Variants in TBC1D9 observed in about 807,000 individuals in gnomAD.
TBC1D9 encodes the protein TBC1 domain family member 9A.
A neutral mutation model predicts 132.0 loss-of-function variants in TBC1D9; 63 were observed. The observed-to-expected ratio is 0.48, with a 90% CI of 0.39 to 0.59. The LOEUF (loss-of-function observed/expected upper bound fraction) is 0.59, where lower values mean the gene tolerates loss of function less well. Ranked by LOEUF, TBC1D9 falls within the 20% of genes least tolerant of loss-of-function variation. The pLI, the probability that TBC1D9 is intolerant of heterozygous loss-of-function variation, is 0.00. For synonymous variants in TBC1D9, 610 were observed against 609.9 expected (o/e 1.00, Z 0.00); for missense variants, 1,261 against 1,592.7 (o/e 0.79, Z 3.54).
At chr4:140,749,390 G>T (rs1738887660) in intron 1 of TBC1D9, among the ~76,000 whole-genome samples, 1 of 151,988 alleles carries the variant, frequency 6.6e-6, no homozygotes, top group South Asian at 2.1e-4. Context: ...CAAAAAGCAA[G>T]GAAGGCAAAA....
intron 9 of TBC1D9, among the ~76,000 whole-genome samples, chr4:140,662,771 A>C (rs1211386105): frequency 1.3e-5 from 2 of 152,224 alleles, no homozygotes; most frequent in African/African-American, 4.8e-5. Context: ...AGGATTCTTC[A>C]AGACAGAAAA....
At chr4:140,687,358 A>T (rs200293521) in intron 2 of TBC1D9, among the ~76,000 whole-genome samples, 23,089 of 77,644 alleles carry the variant, frequency 0.3, 4,384 homozygotes, top group African/African-American at 0.39. Context: ...ATATATATAT[A>T]TATATATATA....
intron 1 of TBC1D9, among the ~76,000 whole-genome samples, chr4:140,703,695 T>G (rs1436530834): frequency 6.6e-6 from 1 of 152,204 alleles, no homozygotes; most frequent in Non-Finnish European, 1.5e-5. Context: ...CAGTGACCAT[T>G]AGCTGACCTC....
At chr4:140,689,364 G>A (rs966530673) in intron 2 of TBC1D9, among the ~76,000 whole-genome samples, 3 of 151,770 alleles carry the variant, frequency 2.0e-5, no homozygotes, top group African/African-American at 7.3e-5. Flanking sequence ...CTTTGCACAA[G>A]CTGCTTTCAA....
chr4:140,643,529 G>A lies in TBC1D9; in HGVS notation c.2338-4101C>T, dbSNP rs552111601. ...CCAGTCTCGGGCACTCTCCCTCCCC[G>A]GCGGGCACGTCACAGTCTGACATTT... is the stretch of plus-strand genomic sequence containing the variant. On this transcript the variant is annotated intron_variant, in intron 13 of 20. Coordinates refer to ENST00000442267, the MANE Select transcript of TBC1D9 (RefSeq NM_015130.3). 29 of 871,752 alleles carry A rather than the reference G, an allele frequency of 3.3e-5. No individual in the cohort carries two copies. In the African/African-American group the frequency reaches 3.8e-4, roughly 11 times the overall value. 54.0% of individuals were successfully genotyped at this position (871,752 alleles called of 1,614,324 possible).
intron 15 of TBC1D9, among the ~76,000 whole-genome samples, chr4:140,635,543 T>G (rs1736866333): frequency 6.6e-6 from 1 of 152,158 alleles, no homozygotes; most frequent in African/African-American, 2.4e-5. Context: ...CTCTTTTCCC[T>G]AGGGTTTCTG....
Position 140,756,183 on chromosome 4 carries a change from G to A in TBC1D9, c.-138C>T. The stretch of plus-strand genomic sequence containing the variant: ...AGGTGCGGCGGCGGCGGCGGCAGGC[G>A]ACTTCAGGGGGTGGCCCGCGGCGTC... On this transcript the variant is annotated 5_prime_UTR_variant, in exon 1 of 21. Coordinates refer to ENST00000442267, the MANE Select transcript of TBC1D9 (RefSeq NM_015130.3). The surrounding 1 kb of genome is among the most constrained non-coding windows in gnomAD (Gnocchi z 5.6). 3.6e-6 allele frequency: 2 copies of A among 562,204 alleles called. No homozygotes were observed. Among genetic ancestry groups the A allele is most frequent in the Middle Eastern group, 5.4e-4 (1 of 1,850 alleles). 34.8% of individuals were successfully genotyped at this position (562,204 alleles called of 1,614,324 possible). A position where few individuals can be genotyped will look rare whatever the true frequency, so the allele number is the denominator to read the frequency against.
rs1737370619 is a variant in TBC1D9, at chr4:140,662,093, T to C, written c.1603A>G (p.Lys535Glu). The change falls in exon 10 of 21, where the codon AAG (lysine) becomes GAG (glutamate). Residue 535 changes from lysine (K) to glutamate (E), a missense_variant. Transcript: ENST00000442267. ...TCATAGTACCCAGGATGTGTGGCCT[T>C]CTCATTGATGGCACCTGAGATATAT... is the stretch of plus-strand genomic sequence containing the variant. ...WLLLSGAINE[K>E]ATHPGYYEDL... 1.2e-6 allele frequency: 2 copies of C among 1,613,798 alleles called. No homozygotes were observed. Among genetic ancestry groups the C allele is most frequent in the East Asian group, 2.2e-5 (1 of 44,866 alleles).
chr4:140,646,182 T>C (rs1425136621), intron 13 of TBC1D9, among the ~76,000 whole-genome samples: 2 of 152,172 alleles, frequency 1.3e-5, no homozygotes, highest in Non-Finnish European at 2.9e-5. Flanking sequence ...GCTCTTCCTA[T>C]CCCCATTTCA....
intron 1 of TBC1D9, among the ~76,000 whole-genome samples, chr4:140,739,618 T>C (rs1738728593): frequency 6.6e-6 from 1 of 152,222 alleles, no homozygotes; most frequent in Non-Finnish European, 1.5e-5. Flanking sequence ...AAATTTTAGC[T>C]CTTCTGTCTA....
At chr4:140,753,368 A>G (rs896948457) in intron 1 of TBC1D9, among the ~76,000 whole-genome samples, 2 of 152,072 alleles carry the variant, frequency 1.3e-5, no homozygotes, top group Non-Finnish European at 2.9e-5. Context: ...AGCTGGGACT[A>G]CAGGCATACA....
At chr4:140,745,187 T>C (rs1485679880) in intron 1 of TBC1D9, among the ~76,000 whole-genome samples, 2 of 152,220 alleles carry the variant, frequency 1.3e-5, no homozygotes, top group Non-Finnish European at 2.9e-5. Context: ...CCCAGCCACC[T>C]TGGACACCTT....
intron 13 of TBC1D9, among the ~76,000 whole-genome samples, chr4:140,647,930 T>A (rs1476755392): frequency 1.3e-5 from 2 of 151,976 alleles, no homozygotes; most frequent in East Asian, 3.9e-4. Flanking sequence ...GGGGGGGGTC[T>A]CTCCCTCCCC....
chr4:140,690,274 T>C (rs1360389431), intron 2 of TBC1D9, among the ~76,000 whole-genome samples: 4 of 152,106 alleles, frequency 2.6e-5, no homozygotes, highest in Non-Finnish European at 5.9e-5. Context: ...TTACTATCAT[T>C]GTTTCCCCAC....
At chr4:140,637,537 C>T (rs1736900026) in intron 15 of TBC1D9, among the ~76,000 whole-genome samples, 1 of 152,070 alleles carries the variant, frequency 6.6e-6, no homozygotes, top group South Asian at 2.1e-4. Context: ...CGTTTAGCTC[C>T]CCCCAGAATC....
chr4:140,621,283 A>G lies in TBC1D9; in HGVS notation c.*912T>C, dbSNP rs190972416. 6.5e-6 allele frequency: 1 copy of G among 152,728 alleles called. No individual in the cohort carries two copies. The highest frequency in any genetic ancestry group is 1.9e-4 in the East Asian group (1 of 5,190). The allele number at this position is 152,728 out of a possible 1,614,324, so 9.5% of individuals were successfully genotyped here. On this transcript the variant is annotated 3_prime_UTR_variant, in exon 21 of 21. Transcript: ENST00000442267. ...TTCTTCAATCTATGGAGAATACGGA[A>G]ATGGTAAAGTTGACTGTTTTACTTA...
intron 2 of TBC1D9, among the ~76,000 whole-genome samples, chr4:140,692,768 C>G (rs1466474022): frequency 6.6e-6 from 1 of 152,048 alleles, no homozygotes; most frequent in Admixed American, 6.6e-5. Context: ...ACCTGTAATC[C>G]CAGCACTTTG....
intron 13 of TBC1D9, chr4:140,642,652 C>G: frequency 2.8e-6 from 2 of 709,662 alleles, no homozygotes; most frequent in Non-Finnish European, 4.9e-6. Context: ...CGTGTTCATC[C>G]CAAGTCTGGT....
At position 140,621,866 on chromosome 4, in the gene TBC1D9, T is replaced by C. The variant is rs55844213; in HGVS notation, c.*329A>G. On this transcript the variant is annotated 3_prime_UTR_variant, in exon 21 of 21. Coordinates refer to ENST00000442267, the MANE Select transcript of TBC1D9 (RefSeq NM_015130.3). Reference sequence around the variant, plus strand: ...CTTAGCATTAAACAGTACTATTTTTTAAACCATGTATACAGCTCAACAGCA... The same window carrying C: ...CTTAGCATTAAACAGTACTATTTTTCAAACCATGTATACAGCTCAACAGCA... The C allele has an allele frequency of 1.0e-5, 2 of 192,156 alleles. No homozygotes were observed. Among genetic ancestry groups the C allele is most frequent in the Non-Finnish European group, 2.1e-5 (2 of 95,146 alleles). 11.9% of individuals were successfully genotyped at this position (192,156 alleles called of 1,614,324 possible).
Sources: gnomAD v4.1 joint callset for allele counts (sites outside exome capture counted in the v4.1 genomes callset) on GRCh38, gnomAD v4.1.1 for gene constraint, Gnocchi (gnomAD v3.1) non-coding constraint, MANE v1.5 for transcripts, NCBI Gene and HGNC (gene_info 2026-07-23, HGNC 2026-07-21) for gene names.